ADK: variants seen among roughly 807,000 people sequenced by gnomAD.
ADK encodes the protein N6,N6-dimethyladenosine kinase.
ADK carries 24 observed loss-of-function variants against 44.7 expected under a neutral mutation model. The ratio of observed to expected loss-of-function variants is 0.54; its 90% CI spans 0.39 to 0.76. The LOEUF (loss-of-function observed/expected upper bound fraction) is 0.76. ADK is among the 30% of genes least tolerant of loss of function. The pLI is 0.00. For missense variants in ADK, 321 were observed against 425.1 expected, an observed-to-expected ratio of 0.76 and a Z score of 2.15; for synonymous variants, 128 against 142.6, an observed-to-expected ratio of 0.90 and a Z score of 0.73.
At chr10:74,214,050 T>C (rs1031790783) in intron 2 of ADK, among the ~76,000 whole-genome samples, 1 of 152,232 alleles carries the variant, frequency 6.6e-6, no homozygotes, top group Non-Finnish European at 1.5e-5. Context: ...TTAAATCTAG[T>C]TTAATTCTTT....
chr10:74,268,676 G>A (rs1340910256), intron 3 of ADK, among the ~76,000 whole-genome samples: 3 of 152,150 alleles, frequency 2.0e-5, no homozygotes, highest in East Asian at 1.9e-4. Context: ...CCTATAATCT[G>A]TAAGTATCAC....
chr10:74,198,079 C>G (rs181595117), intron 1 of ADK, among the ~76,000 whole-genome samples: 1 of 152,154 alleles, frequency 6.6e-6, no homozygotes, highest in African/African-American at 2.4e-5. Flanking sequence ...AATAAAAAAC[C>G]AAGTAGCCCA....
chr10:74,369,931 A>G (rs1842608026), intron 4 of ADK, among the ~76,000 whole-genome samples: 1 of 152,228 alleles, frequency 6.6e-6, no homozygotes, highest in Non-Finnish European at 1.5e-5. Flanking sequence ...TGAGTTTAGC[A>G]TGCTTGCAGA....
At chr10:74,323,808 G>A (rs1247492000) in intron 4 of ADK, among the ~76,000 whole-genome samples, 2 of 152,062 alleles carry the variant, frequency 1.3e-5, no homozygotes, top group East Asian at 1.9e-4. Context: ...CTGACCTTGT[G>A]ATCCGCCCGC....
At chr10:74,574,526 G>A (rs79928840) in intron 7 of ADK, among the ~76,000 whole-genome samples, 3,883 of 152,126 alleles carry the variant, frequency 0.026, 68 homozygotes, top group Non-Finnish European at 0.038. Flanking sequence ...CTGCTTTATT[G>A]TACTCTTTGA....
intron 6 of ADK, among the ~76,000 whole-genome samples, chr10:74,469,511 C>T (rs1478597412): frequency 1.3e-5 from 2 of 152,072 alleles, no homozygotes; most frequent in Admixed American, 6.6e-5. Flanking sequence ...TACAGGCACA[C>T]ACCACCTCAC....
chr10:74,388,937 A>G (rs149577108), intron 4 of ADK, among the ~76,000 whole-genome samples: 82 of 152,244 alleles, frequency 5.4e-4, no homozygotes, highest in African/African-American at 1.9e-3. Context: ...GCCAGGCTCT[A>G]TTTGCCTTCT....
chr10:74,635,921 C>CA lies in ADK; in HGVS notation c.878-34245dup, dbSNP rs11294383. On this transcript the variant is annotated intron_variant, in intron 9 of 10. Coordinates refer to ENST00000539909, the MANE Select transcript of ADK (RefSeq NM_006721.4). ...CAACACAGCAAGACCCCATCTCTAC[C>CA]AAAAAAAAAAAAAAAAATTAGCTGG... 8.7e-3 allele frequency among the ~76,000 whole-genome samples: 1,123 copies of CA among 129,570 alleles called. 29 individuals carry two copies. Among genetic ancestry groups the CA allele is most frequent in the East Asian group, 0.013 (56 of 4,448 alleles). 85.0% of individuals were successfully genotyped at this position (129,570 alleles called of 152,430 possible).
At chr10:74,366,916 C>T (rs1008760634) in intron 4 of ADK, among the ~76,000 whole-genome samples, 3 of 152,108 alleles carry the variant, frequency 2.0e-5, no homozygotes, top group South Asian at 2.1e-4. Flanking sequence ...GGTAACAGAG[C>T]GAGACCCTGT....
At chr10:74,378,590 T>C (rs1190996481) in intron 4 of ADK, among the ~76,000 whole-genome samples, 4 of 152,354 alleles carry the variant, frequency 2.6e-5, no homozygotes, top group Admixed American at 2.0e-4. Context: ...CCAATACTTA[T>C]GATGCCAGGT....
At chr10:74,341,938 C>T (rs896067258) in intron 4 of ADK, among the ~76,000 whole-genome samples, 3 of 152,156 alleles carry the variant, frequency 2.0e-5, no homozygotes, top group East Asian at 1.9e-4. Flanking sequence ...AATGATATCA[C>T]TTCTTGGTAC....
At chr10:74,654,989 A>C (rs1166027999) in intron 9 of ADK, 1 of 178,430 alleles carries the variant, frequency 5.6e-6, no homozygotes, top group Non-Finnish European at 1.2e-5. Flanking sequence ...CGAACCCAGC[A>C]CTCTGCAAGG....
intron 3 of ADK, among the ~76,000 whole-genome samples, chr10:74,231,165 C>G (rs1844747928): frequency 6.6e-6 from 1 of 152,198 alleles, no homozygotes; most frequent in African/African-American, 2.4e-5. Flanking sequence ...ATACAAGGCA[C>G]TTTACATTCT....
In ADK at chr10:74,398,569, G is replaced by C; in HGVS notation, c.545G>C (p.Cys182Ser). The C allele has an allele frequency of 6.3e-7, 1 of 1,594,248 alleles. No individual in the cohort carries two copies. Among genetic ancestry groups the C allele is most frequent in the South Asian group, 1.1e-5 (1 of 90,412 alleles). ...NWMLVEKARV[C>S]YIAGFFLTVS... ...ATGTTGGTAGAAAAAGCAAGAGTTT[G>C]TTATATAGCAGTAAGTACTTACCTA... Residue 182 changes from cysteine to serine, a missense_variant, in exon 6 of 11, where the codon TGT (cysteine) becomes TCT (serine). By Grantham distance (112) the Cys-to-Ser change is moderately radical. Coordinates refer to ENST00000539909, the MANE Select transcript of ADK (RefSeq NM_006721.4).
rs112541021 is a variant in ADK at position 74,484,720 on chromosome 10, C to T, written c.556-40536C>T. ...CTGTGATTTTTGTAATATAGCAGTT[C>T]GCTATTAGGACAGTGGTAGACCAGT... On this transcript the variant is annotated intron_variant, in intron 6 of 10. Coordinates refer to ENST00000539909, the MANE Select transcript of ADK (RefSeq NM_006721.4). Among the ~76,000 whole-genome samples the T allele has an allele frequency of 2.4e-3, 358 of 152,196 alleles. 1 individual carries two copies. Among genetic ancestry groups the T allele is most frequent in the African/African-American group, 8.0e-3 (333 of 41,530 alleles).
chr10:74,677,527 G>GT (rs1303102551), intron 10 of ADK, among the ~76,000 whole-genome samples: 1 of 152,100 alleles, frequency 6.6e-6, no homozygotes, highest in Non-Finnish European at 1.5e-5. Context: ...CTTGGGATTT[G>GT]TTTTTTCTAC....
At chr10:74,153,164 T>G (rs1278066126) in intron 1 of ADK, among the ~76,000 whole-genome samples, 1 of 152,200 alleles carries the variant, frequency 6.6e-6, no homozygotes, top group Non-Finnish European at 1.5e-5. Flanking sequence ...ATGAGATATA[T>G]TTGTAGATGT....
chr10:74,189,912 A>C (rs1174877981), intron 1 of ADK, among the ~76,000 whole-genome samples: 2 of 152,042 alleles, frequency 1.3e-5, no homozygotes, highest in Non-Finnish European at 2.9e-5. Flanking sequence ...TACATGTTGT[A>C]GCGTGTATCA....
chr10:74,598,325 AT>A (rs1342873071), intron 8 of ADK, among the ~76,000 whole-genome samples: 2 of 132,066 alleles, frequency 1.5e-5, no homozygotes, highest in Non-Finnish European at 3.7e-5. Flanking sequence ...TTTAATTGCC[AT>A]TTTATGAGGT....
Sources: allele counts gnomAD v4.1 joint callset (sites outside exome capture counted in the v4.1 genomes callset), GRCh38; gene constraint gnomAD v4.1.1; transcripts MANE v1.5; gene names NCBI Gene and HGNC (gene_info 2026-07-23, HGNC 2026-07-21).